TRMT9B: variants seen among roughly 807,000 people sequenced by gnomAD.
TRMT9B encodes tRNA methyltransferase 9B (putative), also known as probable tRNA methyltransferase 9B.
In TRMT9B, 16 loss-of-function variants were observed where a neutral mutation model predicts 11.5. That is an observed-to-expected ratio of 1.39 (90% CI 0.94 to 2.11). The LOEUF is 2.11. Ranked by LOEUF, TRMT9B falls within the 30% of genes most tolerant of loss-of-function variation. The pLI is 0.00. For synonymous variants in TRMT9B, 274 were observed against 192.4 expected (o/e 1.42, Z -3.51); for missense variants, 941 against 553.8 (o/e 1.70, Z -7.02).
At chr8:12,985,851 A>G (rs1176719690) in intron 1 of TRMT9B, among the ~76,000 whole-genome samples, 2 of 151,828 alleles carry the variant, frequency 1.3e-5, no homozygotes, top group Non-Finnish European at 2.9e-5. Flanking sequence ...GTACTAGATT[A>G]ATGATTTTTT....
chr8:12,983,703 A>T (rs1413619763), intron 1 of TRMT9B, among the ~76,000 whole-genome samples: 3 of 152,132 alleles, frequency 2.0e-5, no homozygotes, highest in African/African-American at 7.2e-5. Context: ...CTTCTAGCAG[A>T]ATGTCTCCTC....
intron 4 of TRMT9B, among the ~76,000 whole-genome samples, chr8:13,016,656 C>G (rs1383214071): frequency 6.6e-6 from 1 of 151,618 alleles, no homozygotes; most frequent in Non-Finnish European, 1.5e-5. Flanking sequence ...TTGGAATAGT[C>G]TGATAAACAT....
chr8:12,991,136 T>A, intron 2 of TRMT9B, 105 bp downstream of exon 2: 8 of 439,166 alleles, frequency 1.8e-5, no homozygotes, highest in Non-Finnish European at 2.7e-5. Context: ...ATTTTAAATT[T>A]ATGACAATGT....
chr8:13,015,315 A>T (rs112843762), intron 4 of TRMT9B, among the ~76,000 whole-genome samples: 9,647 of 151,858 alleles, frequency 0.064, 374 homozygotes, highest in African/African-American at 0.1. Context: ...TAACTTTTCA[A>T]GTGTACATGT....
intron 1 of TRMT9B, among the ~76,000 whole-genome samples, chr8:12,980,795 C>A (rs1261858638): frequency 1.3e-5 from 2 of 152,118 alleles, no homozygotes; most frequent in African/African-American, 2.4e-5. Flanking sequence ...AGAGAGGGAA[C>A]AGACAAGCAA....
intron 1 of TRMT9B, among the ~76,000 whole-genome samples, chr8:12,959,166 G>A (rs545727103): frequency 5.9e-5 from 9 of 152,196 alleles, no homozygotes; most frequent in African/African-American, 2.2e-4. Context: ...CTTCCTGGGT[G>A]AAAGGGAACA....
rs1810369003 is a variant in TRMT9B, at chr8:13,005,890, T to C, written c.-1-312T>C. Among the ~76,000 whole-genome samples the C allele has an allele frequency of 2.6e-5, 4 of 152,216 alleles. No homozygotes were observed. The South Asian group carries it at 8.3e-4, about 32-fold the overall frequency. On this transcript the variant is annotated intron_variant, in intron 2 of 4. Transcript: ENST00000524591. ...CAATGGTCTTATCCAAAGTAAACCATTTGGTAAGAATTTTGGCTATGCTTC... is the reference window on the plus strand; with the variant it reads ...CAATGGTCTTATCCAAAGTAAACCACTTGGTAAGAATTTTGGCTATGCTTC...
chr8:13,017,379 G>C (rs1381412899), intron 4 of TRMT9B, among the ~76,000 whole-genome samples: 2 of 152,084 alleles, frequency 1.3e-5, no homozygotes, highest in African/African-American at 4.8e-5. Flanking sequence ...CTCTCAGCAG[G>C]AAAATACTGC....
At chr8:12,995,121 T>C (rs1808106930) in intron 2 of TRMT9B, among the ~76,000 whole-genome samples, 1 of 152,212 alleles carries the variant, frequency 6.6e-6, no homozygotes, top group East Asian at 1.9e-4. Flanking sequence ...TTTAATAATT[T>C]CCTAATACTG....
chr8:13,006,817 C>T (rs1191319278), intron 3 of TRMT9B: 2 of 291,392 alleles, frequency 6.9e-6, no homozygotes, highest in Non-Finnish European at 1.1e-5. Context: ...TACAGGCACC[C>T]GCCACCACGC....
chr8:12,999,110 C>A (rs556840528), intron 2 of TRMT9B, among the ~76,000 whole-genome samples: 9 of 152,086 alleles, frequency 5.9e-5, no homozygotes, highest in African/African-American at 2.2e-4. Flanking sequence ...ACCAGCCTAA[C>A]CAACAGGGTG....
rs886510336 is a variant in TRMT9B at position 13,024,536 on chromosome 8, C to G, written c.*2492C>G. The G allele has an allele frequency of 6.0e-5, 10 of 167,122 alleles. No homozygotes were observed. The highest frequency in any genetic ancestry group is 1.4e-4 in the African/African-American group (6 of 41,464). The allele number at this position is 167,122 out of a possible 1,614,324, so 10.4% of individuals were successfully genotyped here. On this transcript the variant is annotated 3_prime_UTR_variant, in exon 5 of 5. Transcript: ENST00000524591. Reference sequence around the variant, plus strand: ...TAATCCTGGCCTTGCTGCTAGAAATCTGTGCTTGAAGTCCTCTCTTTCTGC... The same window carrying G: ...TAATCCTGGCCTTGCTGCTAGAAATGTGTGCTTGAAGTCCTCTCTTTCTGC...
chr8:13,006,701 T>G, intron 3 of TRMT9B: 2 of 1,287,942 alleles, frequency 1.6e-6, no homozygotes, highest in Non-Finnish European at 2.0e-6. Flanking sequence ...GGAGTTTCAC[T>G]CTTGTCAACC....
chr8:12,948,276 C>T (rs1392840937), intron 1 of TRMT9B, among the ~76,000 whole-genome samples: 2 of 151,724 alleles, frequency 1.3e-5, no homozygotes, highest in Non-Finnish European at 2.9e-5. Context: ...TTATTGAATC[C>T]TGTAGTAAAA....
intron 1 of TRMT9B, among the ~76,000 whole-genome samples, chr8:12,948,440 TA>T (rs1800371369): frequency 6.7e-6 from 1 of 148,194 alleles, no homozygotes; most frequent in African/African-American, 2.5e-5. Flanking sequence ...CTGTTATATA[TA>T]AATATATGTA....
intron 3 of TRMT9B, chr8:13,011,556 T>C (rs1811614179): frequency 1.1e-6 from 1 of 936,544 alleles, no homozygotes. Flanking sequence ...AGATTATATA[T>C]CTGTGATAGA....
rs112857311 is a variant in TRMT9B at position 13,010,344 on chromosome 8, G to A, written c.155-2340G>A. 943 of 972,222 alleles carry A rather than the reference G, an allele frequency of 9.7e-4. 11 individuals are homozygous for A. The African/African-American group carries it at 0.015, about 15-fold the overall frequency. 60.2% of individuals were successfully genotyped at this position (972,222 alleles called of 1,614,324 possible). On this transcript the variant is annotated intron_variant, in intron 3 of 4. Coordinates refer to ENST00000524591, the MANE Select transcript of TRMT9B (RefSeq NM_020844.3). ...AATGAAATTGAAGTTAAAGAAGAAA[G>A]AAATGAAAAAGAAAGAAGTTCAAAG...
At chr8:12,954,368 T>A (rs553344535) in intron 1 of TRMT9B, among the ~76,000 whole-genome samples, 1 of 152,328 alleles carries the variant, frequency 6.6e-6, no homozygotes, top group South Asian at 2.1e-4. Flanking sequence ...TGAAGAAGGC[T>A]CTATCATTGC....
intron 1 of TRMT9B, among the ~76,000 whole-genome samples, chr8:12,948,069 G>A (rs1436720313): frequency 6.6e-6 from 1 of 152,072 alleles, no homozygotes; most frequent in African/African-American, 2.4e-5. Context: ...ACTTACGATG[G>A]GGGTTACATC....
Sources: allele counts gnomAD v4.1 joint callset (sites outside exome capture counted in the v4.1 genomes callset), GRCh38; gene constraint gnomAD v4.1.1; transcripts MANE v1.5; gene names NCBI Gene and HGNC (gene_info 2026-07-23, HGNC 2026-07-21).